NEK11: variants seen among roughly 807,000 people sequenced by gnomAD.
NEK11 encodes serine/threonine-protein kinase Nek11.
A neutral mutation model predicts 80.7 loss-of-function variants in NEK11; 72 were observed. The ratio of observed to expected loss-of-function variants is 0.89; its 90% CI spans 0.74 to 1.08. NEK11 has a LOEUF of 1.08. NEK11 is among the 50% of genes least tolerant of loss of function. NEK11 has a pLI of 0.00. For synonymous variants in NEK11, 251 were observed against 260.7 expected (o/e 0.96, Z 0.36); for missense variants, 764 against 763.6 (o/e 1.00, Z -0.01).
At chr3:131,324,958 A>G (rs2096943356) in intron 17 of NEK11, 1 of 152,248 alleles carries the variant, frequency 6.6e-6, no homozygotes, top group Non-Finnish European at 1.5e-5. Flanking sequence ...ATTATAAAAT[A>G]TCCTCTTGAG....
intron 15 of NEK11, among the ~76,000 whole-genome samples, chr3:131,240,495 T>C (rs1008510816): frequency 6.6e-6 from 1 of 152,172 alleles, no homozygotes; most frequent in Admixed American, 6.6e-5. Flanking sequence ...CTCTTCCTTG[T>C]CTTTGTATAC....
chr3:131,267,080 GTC>G (rs1472757650), intron 16 of NEK11, among the ~76,000 whole-genome samples: 3 of 152,102 alleles, frequency 2.0e-5, no homozygotes, highest in Non-Finnish European at 4.4e-5. Context: ...GCCTATGTGT[GTC>G]TCTGCATGTG....
At chr3:131,316,834 CA>C (rs1170094170) in intron 17 of NEK11, among the ~76,000 whole-genome samples, 1 of 151,974 alleles carries the variant, frequency 6.6e-6, no homozygotes. Flanking sequence ...CCTTGATTTG[CA>C]AAAACTGATG....
chr3:131,079,221 C>CA (rs1360189287), intron 3 of NEK11, among the ~76,000 whole-genome samples: 1 of 152,272 alleles, frequency 6.6e-6, no homozygotes, highest in East Asian at 1.9e-4. Context: ...GGTAAGCATA[C>CA]ATCTCAACTG....
intron 11 of NEK11, among the ~76,000 whole-genome samples, 162 bp downstream of exon 11, chr3:131,162,689 GC>G (rs1560723879): frequency 6.6e-6 from 1 of 152,180 alleles, no homozygotes; most frequent in African/African-American, 2.4e-5. Context: ...TGATTATTGA[GC>G]CATAGATTGA....
chr3:131,153,830 A>C (rs1357225520), intron 9 of NEK11, among the ~76,000 whole-genome samples: 1 of 152,218 alleles, frequency 6.6e-6, no homozygotes, highest in Admixed American at 6.5e-5. Flanking sequence ...AAATAAAATA[A>C]GTATATGCCT....
chr3:131,269,541 ACCC>A, intron 16 of NEK11, among the ~76,000 whole-genome samples: 1 of 151,858 alleles, frequency 6.6e-6, no homozygotes, highest in East Asian at 1.9e-4. Flanking sequence ...GCTTCAGCTC[ACCC>A]TCTGTGGGCT....
intron 5 of NEK11, among the ~76,000 whole-genome samples, chr3:131,125,871 G>T (rs1448090783): frequency 6.6e-6 from 1 of 152,218 alleles, no homozygotes; most frequent in East Asian, 1.9e-4. Context: ...ATTTGCTAAG[G>T]CTGCCAGAAG....
At chr3:131,112,631 A>G (rs2080323973) in intron 5 of NEK11, among the ~76,000 whole-genome samples, 1 of 152,168 alleles carries the variant, frequency 6.6e-6, no homozygotes, top group Non-Finnish European at 1.5e-5. Context: ...GTTACAGGAG[A>G]TCAGAAGAGA....
chr3:131,299,190 T>A (rs1023672157), intron 17 of NEK11, among the ~76,000 whole-genome samples: 4 of 152,182 alleles, frequency 2.6e-5, no homozygotes, highest in Non-Finnish European at 5.9e-5. Context: ...GTGATAAGCA[T>A]TTAATTTATA....
chr3:131,059,980 C>G (rs2070511838), intron 3 of NEK11, among the ~76,000 whole-genome samples: 1 of 152,140 alleles, frequency 6.6e-6, no homozygotes, highest in African/African-American at 2.4e-5. Context: ...TGCATAGTCC[C>G]TTGTTAAAAA....
chr3:131,206,843 C>T (rs1292446357), intron 14 of NEK11, among the ~76,000 whole-genome samples: 2 of 149,476 alleles, frequency 1.3e-5, no homozygotes, highest in Non-Finnish European at 2.9e-5. Flanking sequence ...ATCCCCTCAC[C>T]CCACGACAGG....
At position 131,346,663 on chromosome 3, in the gene NEK11, G is replaced by A. The variant is rs187071254; in HGVS notation, c.1719-2894G>A. On this transcript the variant is annotated intron_variant, in intron 17 of 17. Transcript: ENST00000383366. ...TGAAATTAACTGTGAGGAGGTAGGTGAGGAGTGAGTATATGAGGTTACAAA... is the reference window on the plus strand; with the variant it reads ...TGAAATTAACTGTGAGGAGGTAGGTAAGGAGTGAGTATATGAGGTTACAAA... 3.9e-5 allele frequency among the ~76,000 whole-genome samples: 6 copies of A among 152,336 alleles called. No individual in the cohort carries two copies. The East Asian group carries it at 7.7e-4, about 20-fold the overall frequency.
chr3:131,228,935 G>C (rs2095272847), intron 15 of NEK11, among the ~76,000 whole-genome samples: 1 of 151,970 alleles, frequency 6.6e-6, no homozygotes, highest in South Asian at 2.1e-4. Context: ...TATTTGGGGG[G>C]TTGGGAGATG....
chr3:131,142,616 G>T (rs1233933357), intron 7 of NEK11, among the ~76,000 whole-genome samples: 1 of 152,090 alleles, frequency 6.6e-6, no homozygotes, highest in Non-Finnish European at 1.5e-5. Context: ...TGTTTCCATT[G>T]CCAACCTACC....
rs1445163574 is a variant in NEK11, at chr3:131,036,754, G to A, written c.170+6876G>A. Among the ~76,000 whole-genome samples, 4 of 152,270 alleles carry A rather than the reference G, an allele frequency of 2.6e-5. No homozygotes were observed. The East Asian group carries it at 7.7e-4, about 29-fold the overall frequency. On this transcript the variant is annotated intron_variant, in intron 3 of 17. Transcript: ENST00000383366. Reference sequence around the variant, plus strand: ...CCCTACCCCAGAGGTTTCTGATTTAGCAGGTCTGGTAGGAGGGGCCTGACA... The same window carrying A: ...CCCTACCCCAGAGGTTTCTGATTTAACAGGTCTGGTAGGAGGGGCCTGACA...
At chr3:131,230,113 C>G (rs2095301146) in intron 15 of NEK11, among the ~76,000 whole-genome samples, 1 of 152,110 alleles carries the variant, frequency 6.6e-6, no homozygotes, top group Admixed American at 6.6e-5. Flanking sequence ...ATACAGTGCT[C>G]AATTTTTGGT....
chr3:131,273,610 A>G, intron 17 of NEK11, 36 bp downstream of exon 17: 1 of 1,483,206 alleles, frequency 6.7e-7, no homozygotes, highest in Non-Finnish European at 9.4e-7. Flanking sequence ...AGGAAGGTGC[A>G]GTGTTAAAGC....
At position 131,168,873 on chromosome 3, in the gene NEK11, C is replaced by T; in HGVS notation, c.1220C>T (p.Pro407Leu). Residue 407 changes from proline to leucine, a missense_variant, in exon 13 of 18, where the codon CCT becomes CTT. Pro to Leu is a moderately conservative substitution (Grantham distance 98). Transcript: ENST00000383366. ...LKGMEEKEEQ[P>L]EGRLSCSPQD... ...GGAATGGAAGAAAAGGAGGAGCAAC[C>T]TGAGGGAAGACTTTCTTGTTCACCC... The T allele has an allele frequency of 1.9e-6, 3 of 1,613,864 alleles. No homozygotes were observed. The highest frequency in any genetic ancestry group is 2.5e-6 in the Non-Finnish European group (3 of 1,179,904).
Sources: allele counts gnomAD v4.1 joint callset (sites outside exome capture counted in the v4.1 genomes callset), GRCh38; gene constraint gnomAD v4.1.1; transcripts MANE v1.5; gene names NCBI Gene and HGNC (gene_info 2026-07-23, HGNC 2026-07-21).